The following C6orf163 variants were observed in gnomAD, a reference collection of about 807,000 sequenced individuals.
The protein encoded by C6orf163 is uncharacterized protein C6orf163.
A neutral mutation model predicts 28.4 loss-of-function variants in C6orf163; 22 were observed. That is an observed-to-expected ratio of 0.78 (90% CI 0.55 to 1.11). The LOEUF (loss-of-function observed/expected upper bound fraction) is 1.11. Among genes scored for constraint, C6orf163 ranks in the 50% least tolerant of loss-of-function variants. The pLI is 0.00. For synonymous variants in C6orf163, 110 were observed against 123.6 expected, an observed-to-expected ratio of 0.89 and a Z score of 0.73; for missense variants, 342 against 389.1, an observed-to-expected ratio of 0.88 and a Z score of 1.02.
chr6:87,364,949 T>A lies in C6orf163; in HGVS notation c.555-12T>A, dbSNP rs986506501. ...ATCCATCTAAATTATAAATCCATAT[T>A]ATCTTTTGTAGCAAAGCCGTGGAGG... On this transcript the variant is annotated splice_polypyrimidine_tract_variant and intron_variant, in intron 4 of 4. Transcript: ENST00000388923. 1 of 1,519,856 alleles carries A rather than the reference T, an allele frequency of 6.6e-7. No homozygotes were observed. The highest frequency in any genetic ancestry group is 1.4e-5 in the African/African-American group (1 of 71,502). 94.1% of individuals were successfully genotyped at this position (1,519,856 alleles called of 1,614,324 possible).
chr6:87,365,224 A>T lies in C6orf163; in HGVS notation c.818A>T (p.Asn273Ile), dbSNP rs1339367765. The T allele has an allele frequency of 3.2e-6, 5 of 1,551,652 alleles. No individual in the cohort carries two copies. In the East Asian group the frequency reaches 9.8e-5, roughly 30 times the overall value. The change falls in exon 5 of 5, where the codon AAT (asparagine) becomes ATT (isoleucine). Residue 273 changes from asparagine to isoleucine, a missense_variant. Transcript: ENST00000388923. ...SIAKQLGIMT[N>I]WKDFLEEELQ... ...GCAAAACAACTGGGAATCATGACAA[A>T]TTGGAAAGATTTCCTAGAGGAGGAA...
At chr6:87,359,073 T>C (rs1365908935) in intron 4 of C6orf163, 1 of 152,268 alleles carries the variant, frequency 6.6e-6, no homozygotes, top group African/African-American at 2.4e-5. Context: ...CTCAACATTG[T>C]GTAAAATCAC....
In C6orf163 at chr6:87,353,326, T is replaced by G. The variant is rs117587683; in HGVS notation, c.351+2825T>G. On this transcript the variant is annotated intron_variant, in intron 3 of 4. Transcript: ENST00000388923. ...ACTGAAAGAGTGTAATTGGATTGTT[T>G]GTAACACAAAGAAAGGATAAATTCT... is the stretch of plus-strand genomic sequence containing the variant. Among the ~76,000 whole-genome samples the G allele has an allele frequency of 2.4e-4, 37 of 152,226 alleles. No homozygotes were observed. In the East Asian group the frequency reaches 6.8e-3, roughly 28 times the overall value.
chr6:87,354,191 T>TTCCA (rs1199771449), intron 3 of C6orf163, among the ~76,000 whole-genome samples: 2 of 152,132 alleles, frequency 1.3e-5, no homozygotes, highest in African/African-American at 2.4e-5. Context: ...GGAAATAGAT[T>TTCCA]AAATATTGGA....
At chr6:87,351,435 G>C (rs757290323) in intron 3 of C6orf163, among the ~76,000 whole-genome samples, 1 of 152,210 alleles carries the variant, frequency 6.6e-6, no homozygotes, top group Non-Finnish European at 1.5e-5. Context: ...AAAATCAACT[G>C]TCTTTACCCA....
At chr6:87,347,747 C>A in intron 1 of C6orf163, 1 of 985,476 alleles carries the variant, frequency 1.0e-6, no homozygotes, top group Non-Finnish European at 1.2e-6. Flanking sequence ...CCATGCTTAC[C>A]CTTTTAGTGA....
At chr6:87,357,247 G>C (rs1177011962) in intron 4 of C6orf163, 1 of 152,164 alleles carries the variant, frequency 6.6e-6, no homozygotes, top group East Asian at 1.9e-4. Flanking sequence ...TGCTGGAACA[G>C]GACAGCAGTT....
At chr6:87,351,236 A>G (rs1348319265) in intron 3 of C6orf163, among the ~76,000 whole-genome samples, 1 of 152,222 alleles carries the variant, frequency 6.6e-6, no homozygotes, top group Non-Finnish European at 1.5e-5. Flanking sequence ...TGGTCAAGGG[A>G]GGGACAGGAC....
intron 1 of C6orf163, among the ~76,000 whole-genome samples, chr6:87,346,226 A>G (rs1777321769): frequency 6.6e-6 from 1 of 151,900 alleles, no homozygotes; most frequent in African/African-American, 2.4e-5. Flanking sequence ...ATTTCATTTC[A>G]CTCCTGATAT....
chr6:87,365,350 C>T lies in C6orf163; in HGVS notation c.944C>T (p.Thr315Ile). 6.5e-7 allele frequency: 1 copy of T among 1,550,232 alleles called. No individual in the cohort carries two copies. The highest frequency in any genetic ancestry group is 1.2e-5 in the South Asian group (1 of 83,900). ...TTTATTCTGCCAGAAAGAAAGAAAA[C>T]ACCTTCTAATCTTGTTATTAAGGAG... ...ADFILPERKK[T>I]PSNLVIKENK... is the part of the protein sequence containing the mutation. The change falls in exon 5 of 5, where the codon ACA becomes ATA. Residue 315 changes from threonine (T) to isoleucine (I), a missense_variant. Coordinates refer to ENST00000388923, the MANE Select transcript of C6orf163 (RefSeq NM_001010868.3).
At chr6:87,348,158 AAAAAAG>A in intron 1 of C6orf163, 1 of 979,452 alleles carries the variant, frequency 1.0e-6, no homozygotes, top group South Asian at 4.7e-5. Context: ...CCCTCTCAAA[AAAAAAG>A]AGAAATCCCA....
chr6:87,345,388 G>A, intron 1 of C6orf163, 141 bp downstream of exon 1: 1 of 752,368 alleles, frequency 1.3e-6, no homozygotes, highest in Non-Finnish European at 2.0e-6. Flanking sequence ...ATATGGGTTG[G>A]AATACAGCTT....
At chr6:87,358,993 G>T (rs1777545512) in intron 4 of C6orf163, 1 of 152,210 alleles carries the variant, frequency 6.6e-6, no homozygotes, top group South Asian at 2.1e-4. Flanking sequence ...GAGTTTTCTA[G>T]AGGGTTTGTT....
At chr6:87,353,289 C>T (rs1304729874) in intron 3 of C6orf163, among the ~76,000 whole-genome samples, 1 of 152,048 alleles carries the variant, frequency 6.6e-6, no homozygotes, top group Non-Finnish European at 1.5e-5. Context: ...ATTTATTGTA[C>T]ATTTAAAAAT....
At chr6:87,356,068 C>G (rs1451568603) in intron 3 of C6orf163, 3 of 473,748 alleles carry the variant, frequency 6.3e-6, no homozygotes, top group Admixed American at 7.1e-5. Context: ...TCCATATTCC[C>G]TTTCAATATT....
At chr6:87,358,711 C>G (rs1777541597) in intron 4 of C6orf163, 1 of 152,162 alleles carries the variant, frequency 6.6e-6, no homozygotes, top group Non-Finnish European at 1.5e-5. Flanking sequence ...GGCTGTAATT[C>G]CTACTGACAG....
chr6:87,365,420 A>ATAC lies in C6orf163; in HGVS notation c.*24_*25insTAC. On this transcript the variant is annotated 3_prime_UTR_variant, in exon 5 of 5. Coordinates refer to ENST00000388923, the MANE Select transcript of C6orf163 (RefSeq NM_001010868.3). ...AGAAGTCTTCAGTTGAAATTCCACT[A>ATAC]CAAAAGACATCATTCCAGACTAAAT... 1 of 1,358,328 alleles carries ATAC rather than the reference A, an allele frequency of 7.4e-7. No homozygotes were observed. Among genetic ancestry groups the ATAC allele is most frequent in the South Asian group, 1.4e-5 (1 of 70,888 alleles). The allele number at this position is 1,358,328 out of a possible 1,614,324, so 84.1% of individuals were successfully genotyped here. A position where few individuals can be genotyped will look rare whatever the true frequency, so the allele number is the denominator to read the frequency against.
At chr6:87,346,213 G>A (rs935540182) in intron 1 of C6orf163, among the ~76,000 whole-genome samples, 1 of 151,882 alleles carries the variant, frequency 6.6e-6, no homozygotes, top group African/African-American at 2.4e-5. Flanking sequence ...TAAACTAAGG[G>A]TGATTTCATT....
At chr6:87,351,424 T>TA (rs1341171505) in intron 3 of C6orf163, among the ~76,000 whole-genome samples, 2 of 152,172 alleles carry the variant, frequency 1.3e-5, no homozygotes, top group Admixed American at 1.3e-4. Context: ...CCGGGTGAGA[T>TA]AAAATCAACT....
Sources: allele counts gnomAD v4.1 joint callset (sites outside exome capture counted in the v4.1 genomes callset), GRCh38; gene constraint gnomAD v4.1.1; transcripts MANE v1.5; gene names NCBI Gene and HGNC (gene_info 2026-07-23, HGNC 2026-07-21).